Variants in ANXA6 observed in about 807,000 individuals in gnomAD.
ANXA6 encodes the protein annexin A6.
ANXA6 carries 71 observed loss-of-function variants against 95.4 expected under a neutral mutation model. That is an observed-to-expected ratio of 0.74 (90% CI 0.61 to 0.91). The LOEUF is 0.91. Ranked by LOEUF, ANXA6 falls within the 40% of genes least tolerant of loss-of-function variation. The pLI, the probability that ANXA6 is intolerant of heterozygous loss-of-function variation, is 0.00. For missense variants in ANXA6, 830 were observed against 876.4 expected (o/e 0.95, Z 0.67); for synonymous variants, 289 against 315.9 (o/e 0.91, Z 0.90).
chr5:151,123,418 G>C (rs1423551563), intron 15 of ANXA6, among the ~76,000 whole-genome samples: 1 of 152,192 alleles, frequency 6.6e-6, no homozygotes, highest in Non-Finnish European at 1.5e-5. Flanking sequence ...TCCAAGTCCT[G>C]TTAGCAACTC....
Position 151,103,672 on chromosome 5 carries a change from C to A in ANXA6, c.1860G>T (p.Lys620Asn), listed in dbSNP as rs761962908. Residue 620 changes from lysine to asparagine, a missense_variant, in exon 25 of 26, where the codon AAG becomes AAT. Lys to Asn is a moderately conservative substitution (Grantham distance 94, BLOSUM62 0). Transcript: ENST00000354546. ...GGGATACCATGATCCTGGTCAGAGT[C>A]TTCTCATCTGTGCCAGCACCCTGGT... ...KSMKGAGTDE[K>N]TLTRIMVSRS... 35 of 1,610,606 alleles carry A rather than the reference C, an allele frequency of 2.2e-5. No individual in the cohort carries two copies. Among genetic ancestry groups the A allele is most frequent in the Middle Eastern group, 1.6e-4 (1 of 6,082 alleles).
chr5:151,145,445 G>A (rs1386372885), intron 2 of ANXA6, among the ~76,000 whole-genome samples: 2 of 152,158 alleles, frequency 1.3e-5, no homozygotes, highest in African/African-American at 4.8e-5. Context: ...AGGCCACAGC[G>A]CCATGCCTCC....
In ANXA6 at chr5:151,119,377, T is replaced by G; in HGVS notation, c.1361A>C (p.Asp454Ala). ...CAGGATTTCAATAAGAGCCTTTTCA[T>G]CTGTGCCGGCTCCCTGGAATGTCAA... ...LKKAMEGAGTDEKALIEILAT... is the reference protein window; with the variant it reads ...LKKAMEGAGTAEKALIEILAT... Residue 454 changes from aspartate to alanine, a missense_variant, in exon 18 of 26, where the codon GAT becomes GCT. Physicochemically the swap from Asp to Ala is moderately radical, Grantham distance 126. Transcript: ENST00000354546. The G allele has an allele frequency of 1.2e-6, 2 of 1,613,910 alleles. No homozygotes were observed. The highest frequency in any genetic ancestry group is 8.5e-7 in the Non-Finnish European group (1 of 1,179,866).
At position 151,100,931 on chromosome 5, in the gene ANXA6, T is replaced by A. The variant is rs1006677000; in HGVS notation, c.*517A>T. The A allele has an allele frequency of 2.2e-6, 1 of 456,496 alleles. No homozygotes were observed. Among genetic ancestry groups the A allele is most frequent in the Admixed American group, 2.3e-5 (1 of 42,576 alleles). The allele number at this position is 456,496 out of a possible 1,614,324, so 28.3% of individuals were successfully genotyped here. ...GCAGATGCAGATTTGAACCCAGGCATCCAAATTCCTGGTCCAGTACTCTAG... is the reference window on the plus strand; with the variant it reads ...GCAGATGCAGATTTGAACCCAGGCAACCAAATTCCTGGTCCAGTACTCTAG... On this transcript the variant is annotated 3_prime_UTR_variant, in exon 26 of 26. Transcript: ENST00000354546.
chr5:151,129,707 T>TTGTTTGTA (rs1458821923), intron 11 of ANXA6, among the ~76,000 whole-genome samples, 178 bp from the exon 12 acceptor site: 32 of 151,778 alleles, frequency 2.1e-4, no homozygotes, highest in Non-Finnish European at 2.9e-5. Context: ...TTTTGTTTGT[T>TTGTTTGTA]TGTTTGTTTG....
chr5:151,108,352 A>T, intron 23 of ANXA6, 103 bp downstream of exon 23: 1 of 1,058,818 alleles, frequency 9.4e-7, no homozygotes, highest in Non-Finnish European at 1.5e-6. Flanking sequence ...GACAGTGTTT[A>T]CTTTCCAGTA....
chr5:151,117,376 TGCC>T (rs1765031463), intron 19 of ANXA6, among the ~76,000 whole-genome samples, 196 bp from the exon 20 acceptor site: 1 of 152,222 alleles, frequency 6.6e-6, no homozygotes, highest in Non-Finnish European at 1.5e-5. Context: ...TTAGCACCAA[TGCC>T]TGACACACAG....
At chr5:151,121,721 T>C (rs10079093) in intron 17 of ANXA6, among the ~76,000 whole-genome samples, 43,439 of 152,146 alleles carry the variant, frequency 0.29, 6,827 homozygotes, top group East Asian at 0.48. Flanking sequence ...AGCGGCTCCA[T>C]GAGACCCTTC....
chr5:151,113,915 T>C (rs1764921862), intron 20 of ANXA6, among the ~76,000 whole-genome samples: 1 of 152,236 alleles, frequency 6.6e-6, no homozygotes, highest in South Asian at 2.1e-4. Context: ...TAGACTATTA[T>C]TTGGCAATGA....
rs192437390 is a variant in ANXA6, at chr5:151,139,074, T to A, written c.204+279A>T. ...TGTCTGTTTCCTCGTTTACTGTGTA[T>A]CTCTCTCACTATCTGGCAGTCCACA... On this transcript the variant is annotated intron_variant, in intron 4 of 25. Transcript: ENST00000354546. 333 of 591,172 alleles carry A rather than the reference T, an allele frequency of 5.6e-4. 1 individual carries two copies. Among genetic ancestry groups the A allele is most frequent in the African/African-American group, 5.6e-3 (300 of 53,806 alleles). The allele number at this position is 591,172 out of a possible 1,614,324, so 36.6% of individuals were successfully genotyped here.
Position 151,122,246 on chromosome 5 carries a change from G to A in ANXA6, c.1248C>T (p.Asp416=), listed in dbSNP as rs1765187797. The part of the protein sequence containing the change: ...KSHFGRDLMT[D]LKSEISGDLA... ...GGTCTCCAGAGATCTCAGACTTCAG[G>A]TCAGTCATTAAGTCCTGCAAAGGGC... is the stretch of plus-strand genomic sequence containing the variant. Residue 416 remains aspartate, a synonymous_variant, in exon 17 of 26, where the codon GAC becomes GAT. Coordinates refer to ENST00000354546, the MANE Select transcript of ANXA6 (RefSeq NM_001155.5). The A allele has an allele frequency of 6.2e-7, 1 of 1,603,676 alleles. No homozygotes were observed. The highest frequency in any genetic ancestry group is 2.3e-5 in the East Asian group (1 of 44,050).
chr5:151,112,585 A>G (rs1764880584), intron 20 of ANXA6, among the ~76,000 whole-genome samples: 1 of 152,266 alleles, frequency 6.6e-6, no homozygotes, highest in African/African-American at 2.4e-5. Context: ...TAATCCCAGG[A>G]CATTGGGAAG....
At chr5:151,126,704 T>C (rs1765332835) in intron 13 of ANXA6, among the ~76,000 whole-genome samples, 1 of 148,408 alleles carries the variant, frequency 6.7e-6, no homozygotes, top group Admixed American at 6.8e-5. Flanking sequence ...CCCCCTGCAA[T>C]GCTGCCTTTT....
At chr5:151,118,756 C>T (rs912492662) in intron 18 of ANXA6, among the ~76,000 whole-genome samples, 1 of 151,994 alleles carries the variant, frequency 6.6e-6, no homozygotes, top group African/African-American at 2.4e-5. Context: ...TTTGTAGAGA[C>T]GGGGTTTTGC....
chr5:151,141,743 T>G, intron 2 of ANXA6: 1 of 983,462 alleles, frequency 1.0e-6, no homozygotes, highest in Non-Finnish European at 1.2e-6. Context: ...CACAGCTCTC[T>G]TCCTGCCACC....
At position 151,103,583 on chromosome 5, in the gene ANXA6, T is replaced by G; in HGVS notation, c.1949A>C (p.His650Pro). The part of the protein sequence containing the change: ...EFIEKYDKSL[H>P]QAIEGDTSGD... ...CCCTCCCCTTACCTCAATGGCTTGG[T>G]GGAGAGACTTGTCATATTTCTCAAT... Residue 650 changes from histidine (H) to proline (P), a missense_variant, in exon 25 of 26, where the codon CAC becomes CCC. Physicochemically the swap from His to Pro is moderately conservative, Grantham distance 77 (BLOSUM62 -2). Coordinates refer to ENST00000354546, the MANE Select transcript of ANXA6 (RefSeq NM_001155.5). 2 of 1,612,744 alleles carry G rather than the reference T, an allele frequency of 1.2e-6. No individual in the cohort carries two copies. Among genetic ancestry groups the G allele is most frequent in the Non-Finnish European group, 1.7e-6 (2 of 1,179,404 alleles).
At chr5:151,133,952 CA>C (rs895878028) in intron 8 of ANXA6, among the ~76,000 whole-genome samples, 6 of 152,214 alleles carry the variant, frequency 3.9e-5, no homozygotes, top group African/African-American at 1.4e-4. Flanking sequence ...TCCTCAACAA[CA>C]GGGACTATGT....
rs34326317 is a variant in ANXA6, at chr5:151,122,187, G to A, written c.1307C>T (p.Pro436Leu). The part of the protein sequence containing the change: ...ARLILGLMMP[P>L]AHYDAKQLKK... ...CAACTGCTTGGCATCGTAATGGGCCGGTGGCATCATGAGCCCCAGAATCAG... is the reference window on the plus strand; with the variant it reads ...CAACTGCTTGGCATCGTAATGGGCCAGTGGCATCATGAGCCCCAGAATCAG... Residue 436 changes from proline (P) to leucine (L), a missense_variant, in exon 17 of 26, where the codon CCG (proline) becomes CTG (leucine). Pro to Leu is a moderately conservative substitution (Grantham distance 98). Coordinates refer to ENST00000354546, the MANE Select transcript of ANXA6 (RefSeq NM_001155.5). The A allele has an allele frequency of 4.1e-5, 65 of 1,601,298 alleles. No homozygotes were observed. Among genetic ancestry groups the A allele is most frequent in the African/African-American group, 2.2e-4 (16 of 74,066 alleles).
At chr5:151,103,155 C>T (rs1255174669) in intron 25 of ANXA6, among the ~76,000 whole-genome samples, 2 of 152,108 alleles carry the variant, frequency 1.3e-5, no homozygotes, top group Admixed American at 6.6e-5. Context: ...AGCCAACACA[C>T]CCAGCTAATT....
Sources: allele counts gnomAD v4.1 joint callset (sites outside exome capture counted in the v4.1 genomes callset), GRCh38; gene constraint gnomAD v4.1.1; transcripts MANE v1.5; gene names NCBI Gene and HGNC (gene_info 2026-07-23, HGNC 2026-07-21).